The following AFAP1 variants were observed in gnomAD, a reference collection of about 807,000 sequenced individuals.
AFAP1 encodes the protein actin filament associated protein 1, also known as actin filament-associated protein 1.
A neutral mutation model predicts 93.9 loss-of-function variants in AFAP1; 75 were observed. The observed-to-expected ratio is 0.80, with a 90% CI of 0.66 to 0.97. The LOEUF (loss-of-function observed/expected upper bound fraction) is 0.97. Among genes scored for constraint, AFAP1 ranks in the 50% least tolerant of loss-of-function variants. The pLI, the probability that AFAP1 is intolerant of heterozygous loss-of-function variation, is 0.00. For synonymous variants in AFAP1, 517 were observed against 430.7 expected, an observed-to-expected ratio of 1.20 and a Z score of -2.48; for missense variants, 1,201 against 1,050.8, an observed-to-expected ratio of 1.14 and a Z score of -1.98.
At chr4:7,911,120 G>C (rs1719698769) in intron 1 of AFAP1, among the ~76,000 whole-genome samples, 1 of 152,164 alleles carries the variant, frequency 6.6e-6, no homozygotes, top group South Asian at 2.1e-4. Context: ...ATTTCTATGA[G>C]CAGATGGGTT....
intron 2 of AFAP1, among the ~76,000 whole-genome samples, chr4:7,869,077 AAAG>A (rs1162854912): frequency 6.6e-6 from 1 of 151,846 alleles, no homozygotes; most frequent in Non-Finnish European, 1.5e-5. Context: ...AGAAAAGAAA[AAAG>A]AAAAGAGAAA....
intron 1 of AFAP1, among the ~76,000 whole-genome samples, chr4:7,910,583 G>T (rs779145158): frequency 6.6e-6 from 1 of 152,180 alleles, no homozygotes; most frequent in Non-Finnish European, 1.5e-5. Flanking sequence ...CTACACTCAC[G>T]GATTCTGCTC....
At chr4:7,822,316 T>C (rs111695872) in intron 6 of AFAP1, among the ~76,000 whole-genome samples, 160 of 152,280 alleles carry the variant, frequency 1.1e-3, no homozygotes, top group African/African-American at 3.7e-3. Flanking sequence ...CAGGGGGTCA[T>C]TGTGAAAACT....
At chr4:7,816,374 C>T (rs1390611577) in intron 7 of AFAP1, among the ~76,000 whole-genome samples, 2 of 152,104 alleles carry the variant, frequency 1.3e-5, no homozygotes, top group African/African-American at 4.8e-5. Flanking sequence ...CTATTTCATT[C>T]AAATCACTTC....
chr4:7,895,108 C>G (rs1249994184), intron 1 of AFAP1, among the ~76,000 whole-genome samples: 1 of 152,222 alleles, frequency 6.6e-6, no homozygotes, highest in African/African-American at 2.4e-5. Flanking sequence ...GGATGAAATC[C>G]AGACTCCAGG....
At chr4:7,774,447 G>C (rs772429007) in intron 15 of AFAP1, 5 of 391,098 alleles carry the variant, frequency 1.3e-5, no homozygotes, top group Non-Finnish European at 2.3e-5. Context: ...GACAATCTCT[G>C]TTGTCAGCGC....
intron 6 of AFAP1, among the ~76,000 whole-genome samples, chr4:7,820,748 G>A (rs934106077): frequency 2.0e-5 from 3 of 152,162 alleles, no homozygotes; most frequent in Non-Finnish European, 4.4e-5. Flanking sequence ...AAGGCAGAGT[G>A]AGGATGTGGA....
chr4:7,886,067 T>G (rs1718124446), intron 1 of AFAP1, among the ~76,000 whole-genome samples: 1 of 152,184 alleles, frequency 6.6e-6, no homozygotes. Context: ...CTAAGAAATC[T>G]CAGAAAAAGC....
intron 3 of AFAP1, among the ~76,000 whole-genome samples, chr4:7,859,630 C>G (rs909990470): frequency 6.6e-6 from 1 of 152,134 alleles, no homozygotes; most frequent in Non-Finnish European, 1.5e-5. Context: ...TAAGTAAAAG[C>G]TCCTAAACTT....
chr4:7,780,874 CTTA>C (rs1159343686), intron 13 of AFAP1, among the ~76,000 whole-genome samples: 1 of 151,854 alleles, frequency 6.6e-6, no homozygotes, highest in Non-Finnish European at 1.5e-5. Flanking sequence ...TTAAAAAGTC[CTTA>C]TTATCATCAT....
intron 12 of AFAP1, among the ~76,000 whole-genome samples, chr4:7,782,223 C>G (rs111676959): frequency 2.0e-5 from 3 of 152,246 alleles, no homozygotes; most frequent in African/African-American, 7.2e-5. Context: ...CGGTGAGTGG[C>G]AGAGCGGAGG....
intron 4 of AFAP1, among the ~76,000 whole-genome samples, chr4:7,849,000 C>A (rs1445659047): frequency 2.0e-5 from 3 of 152,194 alleles, no homozygotes; most frequent in Non-Finnish European, 4.4e-5. Context: ...GCGGTTAGGG[C>A]GTCACGACTT....
intron 13 of AFAP1, among the ~76,000 whole-genome samples, chr4:7,779,683 TAGG>T (rs1716550840): frequency 6.6e-6 from 1 of 152,198 alleles, no homozygotes. Context: ...ATCAATCATT[TAGG>T]AGAAGTTGAG....
At chr4:7,875,113 T>C (rs1294101830) in intron 1 of AFAP1, among the ~76,000 whole-genome samples, 1 of 152,218 alleles carries the variant, frequency 6.6e-6, no homozygotes, top group East Asian at 1.9e-4. Flanking sequence ...GCAGCTCAAC[T>C]GACAAAAGCA....
chr4:7,921,146 G>T (rs1172181917), intron 1 of AFAP1, among the ~76,000 whole-genome samples: 1 of 146,620 alleles, frequency 6.8e-6, no homozygotes, highest in African/African-American at 2.6e-5. Context: ...ATCTCTCTCA[G>T]CTTCAGTTTC....
intron 4 of AFAP1, chr4:7,843,669 A>G: frequency 7.2e-6 from 2 of 279,382 alleles, no homozygotes; most frequent in South Asian, 8.4e-5. Flanking sequence ...GACGAGCGCC[A>G]TCCTCATTCT....
intron 11 of AFAP1, among the ~76,000 whole-genome samples, chr4:7,791,842 C>CAAAAAAAA (rs111676909): frequency 7.1e-6 from 1 of 140,516 alleles, no homozygotes; most frequent in African/African-American, 2.6e-5. Flanking sequence ...AACCCTTAAT[C>CAAAAAAAA]AAAAAAAAAC....
At chr4:7,909,363 T>C (rs1263717891) in intron 1 of AFAP1, among the ~76,000 whole-genome samples, 1 of 152,340 alleles carries the variant, frequency 6.6e-6, no homozygotes, top group East Asian at 1.9e-4. Flanking sequence ...AGAAGTATTA[T>C]TTATAAACTG....
At chr4:7,779,639 G>A (rs1007505686) in intron 13 of AFAP1, among the ~76,000 whole-genome samples, 22 of 152,278 alleles carry the variant, frequency 1.4e-4, no homozygotes, top group African/African-American at 5.1e-4. Context: ...CACTTTTTGG[G>A]AGGCAGAGAG....
Sources: gnomAD v4.1 joint callset for allele counts (sites outside exome capture counted in the v4.1 genomes callset) on GRCh38, gnomAD v4.1.1 for gene constraint, MANE v1.5 for transcripts, NCBI Gene and HGNC (gene_info 2026-07-23, HGNC 2026-07-21) for gene names.